Variants in RFXANK observed in about 807,000 individuals in gnomAD.
The protein encoded by RFXANK is regulatory factor X associated ankyrin containing protein.
In RFXANK, 19 loss-of-function variants were observed where a neutral mutation model predicts 34.5. That is an observed-to-expected ratio of 0.55 (90% CI 0.38 to 0.81). The LOEUF (loss-of-function observed/expected upper bound fraction) is 0.81. Ranked by LOEUF, RFXANK falls within the 30% of genes least tolerant of loss-of-function variation. The pLI is 0.00. For synonymous variants in RFXANK, 154 were observed against 149.8 expected, an observed-to-expected ratio of 1.03 and a Z score of -0.20; for missense variants, 295 against 343.5, an observed-to-expected ratio of 0.86 and a Z score of 1.12.
intron 2 of RFXANK, among the ~76,000 whole-genome samples, chr19:19,193,538 C>T (rs1158334682): frequency 6.6e-6 from 1 of 151,592 alleles, no homozygotes; most frequent in Non-Finnish European, 1.5e-5. Flanking sequence ...GCCTCAGCCT[C>T]CCGAGTAGCT....
intron 9 of RFXANK, among the ~76,000 whole-genome samples, chr19:19,200,445 G>T (rs532455874): frequency 6.6e-6 from 1 of 151,920 alleles, no homozygotes; most frequent in East Asian, 1.9e-4. Flanking sequence ...CAAAGTGCTG[G>T]GATTACAGGT....
intron 7 of RFXANK, 162 bp from the exon 8 acceptor site, chr19:19,198,495 G>T (rs1300302091): frequency 2.1e-6 from 2 of 972,304 alleles, no homozygotes; most frequent in Non-Finnish European, 3.2e-6. Context: ...AATCAGAGAG[G>T]TCTTCCTGGA....
At chr19:19,201,295 C>T (rs1368394546) in intron 9 of RFXANK, 10 of 639,068 alleles carry the variant, frequency 1.6e-5, no homozygotes, top group Non-Finnish European at 2.1e-5. Flanking sequence ...CCAAGCTGGC[C>T]TCAAATTCCT....
chr19:19,196,880 CA>C (rs374171057), intron 3 of RFXANK, 82 bp from the exon 4 acceptor site: 171 of 1,246,370 alleles, frequency 1.4e-4, no homozygotes, highest in Non-Finnish European at 1.8e-4. Context: ...ACAACAGCAA[CA>C]AAAAAAAACA....
intron 5 of RFXANK, 133 bp from the exon 6 acceptor site, chr19:19,197,388 T>C (rs1599781828): frequency 2.9e-5 from 35 of 1,206,196 alleles, no homozygotes; most frequent in Non-Finnish European, 3.7e-5. Context: ...ACCGTGTTCA[T>C]GTATGTCCAT....
chr19:19,197,468 G>A (rs533690192), intron 5 of RFXANK, 53 bp from the exon 6 acceptor site: 203 of 1,574,432 alleles, frequency 1.3e-4, no homozygotes, highest in Admixed American at 3.7e-4. Context: ...GGCAGCACTG[G>A]GGATAGGGGG....
At position 19,198,650 on chromosome 19, in the gene RFXANK, A is replaced by C; in HGVS notation, c.565-7A>C. On this transcript the variant is annotated splice_polypyrimidine_tract_variant and splice_region_variant and intron_variant, in intron 7 of 9. Transcript: ENST00000303088. ...CCTTTGGTTTCTCCTGCCCCTACCC[A>C]CGACAGAATGGAGGGACGCCACTGC... 6.2e-7 allele frequency: 1 copy of C among 1,613,346 alleles called. No individual in the cohort carries two copies. Among genetic ancestry groups the C allele is most frequent in the East Asian group, 2.2e-5 (1 of 44,876 alleles).
intron 6 of RFXANK, 28 bp downstream of exon 6, chr19:19,197,649 G>T (rs1178255633): frequency 6.3e-7 from 1 of 1,597,092 alleles, no homozygotes; most frequent in South Asian, 1.1e-5. Flanking sequence ...TGGGCAGCTG[G>T]GGGGTTCCCG....
intron 3 of RFXANK, among the ~76,000 whole-genome samples, chr19:19,196,358 G>C (rs904937902): frequency 1.3e-5 from 2 of 151,998 alleles, no homozygotes; most frequent in African/African-American, 4.8e-5. Context: ...CCAGGAGTTT[G>C]AGACCAGCCT....
intron 7 of RFXANK, 71 bp from the exon 8 acceptor site, chr19:19,198,586 A>G (rs2060641717): frequency 1.3e-6 from 2 of 1,556,114 alleles, no homozygotes; most frequent in South Asian, 2.2e-5. Context: ...ACTGGAGGCC[A>G]GAGAGTACAA....
At chr19:19,198,350 C>A in intron 7 of RFXANK, 118 bp downstream of exon 7, 1 of 1,456,628 alleles carries the variant, frequency 6.9e-7, no homozygotes, top group Non-Finnish European at 9.4e-7. Context: ...CACGAGACAG[C>A]CCCATTCCCA....
Position 19,201,662 on chromosome 19 carries a change from C to T in RFXANK, c.726C>T (p.Ile242=), listed in dbSNP as rs200043123. ...GCCCCATCTCAGTGCAACAGGTGAT[C>T]GAGAACCACATCCTCAAGCTCTTCC... ...ALGYRKVQQV[I]ENHILKLFQS... Residue 242 remains isoleucine, a synonymous_variant, in exon 10 of 10, where the codon ATC becomes ATT. Transcript: ENST00000303088. 3.3e-5 allele frequency: 53 copies of T among 1,614,014 alleles called. No individual in the cohort carries two copies. The highest frequency in any genetic ancestry group is 4.3e-5 in the Non-Finnish European group (51 of 1,180,042).
At position 19,193,959 on chromosome 19, in the gene RFXANK, C is replaced by G; in HGVS notation, c.13C>G (p.Gln5Glu). The G allele has an allele frequency of 6.2e-7, 1 of 1,614,212 alleles. No individual in the cohort carries two copies. Among genetic ancestry groups the G allele is most frequent in the East Asian group, 2.2e-5 (1 of 44,884 alleles). Residue 5 changes from glutamine to glutamate, a missense_variant, in exon 3 of 10, where the codon CAG becomes GAG. Coordinates refer to ENST00000303088, the MANE Select transcript of RFXANK (RefSeq NM_003721.4). ...GCCAGCTTTCCCCATGGAGCTTACCCAGCCTGCAGAAGACCTCATCCAGAC... is the reference window on the plus strand; with the variant it reads ...GCCAGCTTTCCCCATGGAGCTTACCGAGCCTGCAGAAGACCTCATCCAGAC... The part of the protein sequence containing the change: MELT[Q>E]PAEDLIQTQQ...
At chr19:19,195,612 G>A (rs2060585200) in intron 3 of RFXANK, among the ~76,000 whole-genome samples, 1 of 151,206 alleles carries the variant, frequency 6.6e-6, no homozygotes, top group South Asian at 2.1e-4. Flanking sequence ...TCCCTGTAGC[G>A]GATTTCTTTG....
intron 3 of RFXANK, among the ~76,000 whole-genome samples, chr19:19,195,303 C>T (rs368738170): frequency 1.4e-5 from 2 of 140,326 alleles, no homozygotes; most frequent in Non-Finnish European, 3.1e-5. Flanking sequence ...TCCCCACTCT[C>T]GAGACGCCTC....
chr19:19,197,111 A>G (rs1005794282), intron 4 of RFXANK, 65 bp downstream of exon 4: 15 of 1,611,658 alleles, frequency 9.3e-6, no homozygotes, highest in Middle Eastern at 1.6e-4. Context: ...GTGAGGAGCA[A>G]TCGTGGACAG....
chr19:19,200,334 C>T (rs2060685857), intron 9 of RFXANK, among the ~76,000 whole-genome samples: 1 of 151,426 alleles, frequency 6.6e-6, no homozygotes, highest in African/African-American at 2.4e-5. Flanking sequence ...CACACCATGA[C>T]GCCCGGCTAA....
intron 7 of RFXANK, 117 bp from the exon 8 acceptor site, chr19:19,198,540 G>A (rs2060641047): frequency 8.1e-7 from 1 of 1,229,664 alleles, no homozygotes; most frequent in Admixed American, 1.8e-5. Context: ...CAGAAAGTGA[G>A]ATGGGCCCAG....
intron 2 of RFXANK, among the ~76,000 whole-genome samples, chr19:19,193,536 C>T (rs1169508191): frequency 1.3e-5 from 2 of 151,786 alleles, no homozygotes; most frequent in Non-Finnish European, 2.9e-5. Flanking sequence ...CTGCCTCAGC[C>T]TCCCGAGTAG....
Sources: allele counts gnomAD v4.1 joint callset (sites outside exome capture counted in the v4.1 genomes callset), GRCh38; gene constraint gnomAD v4.1.1; transcripts MANE v1.5; gene names NCBI Gene and HGNC (gene_info 2026-07-23, HGNC 2026-07-21).